The following ULK4 variants were observed in gnomAD, a reference collection of about 807,000 sequenced individuals.
ULK4 encodes the protein unc-51 like kinase 4.
Under a neutral mutation model 160.6 loss-of-function variants are expected in ULK4, and 133 were observed. The observed-to-expected ratio is 0.83, with a 90% CI of 0.72 to 0.96. The LOEUF (loss-of-function observed/expected upper bound fraction) is 0.96. Among genes scored for constraint, ULK4 ranks in the 40% least tolerant of loss-of-function variants. The pLI is 0.00. For missense variants in ULK4, 1,580 were observed against 1,499.5 expected, an observed-to-expected ratio of 1.05 and a Z score of -0.89; for synonymous variants, 534 against 539.8, an observed-to-expected ratio of 0.99 and a Z score of 0.15.
chr3:41,695,440 G>A (rs1190808337), intron 27 of ULK4, among the ~76,000 whole-genome samples: 1 of 152,050 alleles, frequency 6.6e-6, no homozygotes, highest in Non-Finnish European at 1.5e-5. Context: ...TCATAGCTAG[G>A]GCAGAGTAGT....
chr3:41,420,345 T>A (rs548493748), intron 34 of ULK4, among the ~76,000 whole-genome samples: 4 of 152,088 alleles, frequency 2.6e-5, no homozygotes, highest in African/African-American at 9.6e-5. Flanking sequence ...TTTTATGTTT[T>A]CAAATTTTTC....
intron 35 of ULK4, among the ~76,000 whole-genome samples, chr3:41,288,413 T>C (rs2079501997): frequency 6.6e-6 from 1 of 152,168 alleles, no homozygotes; most frequent in Non-Finnish European, 1.5e-5. Context: ...CTTTAGGAAG[T>C]CTGCTGGTGC....
rs142848727 is a variant in ULK4 at position 41,401,216 on chromosome 3, G to A, written c.3493-2952C>T. On this transcript the variant is annotated intron_variant, in intron 34 of 36. Transcript: ENST00000301831. Reference sequence around the variant, plus strand: ...AACAAAAAACTCTTTGCTGAAACACGTGTCCTGAAGACTTTCTCCTATATT... The same window carrying A: ...AACAAAAAACTCTTTGCTGAAACACATGTCCTGAAGACTTTCTCCTATATT... Among the ~76,000 whole-genome samples the A allele has an allele frequency of 2.4e-3, 370 of 152,232 alleles. 2 individuals carry two copies. Among genetic ancestry groups the A allele is most frequent in the East Asian group, 0.015 (78 of 5,174 alleles).
intron 18 of ULK4, among the ~76,000 whole-genome samples, chr3:41,825,956 A>C (rs1460035256): frequency 6.6e-6 from 1 of 152,210 alleles, no homozygotes; most frequent in Non-Finnish European, 1.5e-5. Flanking sequence ...CTAACAGCGG[A>C]TCTCTTCGCA....
intron 32 of ULK4, among the ~76,000 whole-genome samples, chr3:41,524,335 G>A (rs1176546553): frequency 1.3e-5 from 2 of 152,134 alleles, no homozygotes; most frequent in Non-Finnish European, 2.9e-5. Context: ...AAATGAGTGA[G>A]GTCATTTACT....
chr3:41,605,245 A>G (rs796823161), intron 31 of ULK4, among the ~76,000 whole-genome samples: 3 of 152,204 alleles, frequency 2.0e-5, no homozygotes, highest in African/African-American at 7.2e-5. Context: ...TAGTAGTAAG[A>G]TTTAAATATA....
At chr3:41,270,909 T>C (rs1374815913) in intron 35 of ULK4, among the ~76,000 whole-genome samples, 1 of 152,196 alleles carries the variant, frequency 6.6e-6, no homozygotes, top group East Asian at 1.9e-4. Context: ...AATATAACCA[T>C]CTTTCTAAAC....
chr3:41,279,255 T>TAAAAAAAAAAAAAAA (rs771175184), intron 35 of ULK4, among the ~76,000 whole-genome samples: 35 of 42,956 alleles, frequency 8.1e-4, no homozygotes, highest in East Asian at 4.4e-3. Context: ...AAAAAAAGAG[T>TAAAAAAAAAAAAAAA]AAAAAAAAAA....
chr3:41,505,846 C>A (rs897734095), intron 32 of ULK4, among the ~76,000 whole-genome samples: 6 of 152,094 alleles, frequency 3.9e-5, no homozygotes, highest in African/African-American at 1.4e-4. Context: ...TCCAATACAA[C>A]ATTTAATAAA....
At chr3:41,581,088 A>T (rs1401814537) in intron 31 of ULK4, among the ~76,000 whole-genome samples, 1 of 152,180 alleles carries the variant, frequency 6.6e-6, no homozygotes, top group African/African-American at 2.4e-5. Context: ...CCTTTCCCAG[A>T]ATATACACTA....
At position 41,912,897 on chromosome 3, in the gene ULK4, A is replaced by T; in HGVS notation, c.806T>A (p.Leu269Ter). The T allele has an allele frequency of 6.2e-7, 1 of 1,613,798 alleles. No individual in the cohort carries two copies. The highest frequency in any genetic ancestry group is 8.5e-7 in the Non-Finnish European group (1 of 1,179,906). Residue 269 changes from leucine (L) to a stop codon, truncating the protein, a stop_gained and splice_region_variant, in exon 9 of 37, where the codon TTG (leucine) becomes TAG (stop). Coordinates refer to ENST00000301831, the MANE Select transcript of ULK4 (RefSeq NM_017886.4). LOFTEE classifies it high-confidence loss of function. ...GLLQRDPQKR[L>*]TWTRLLQHSF... ...ATGCTGCAGTAGCCTTGTCCAAGTC[A>T]ATCTTTAAAAAACATAAATGTTAAA... is the stretch of plus-strand genomic sequence containing the variant.
intron 17 of ULK4, among the ~76,000 whole-genome samples, chr3:41,878,930 AG>A (rs34327029): frequency 0.69 from 104,439 of 151,764 alleles, 39,331 homozygotes; most frequent in East Asian, 0.83. Flanking sequence ...TACTGAATCA[AG>A]GGTCCACATC....
chr3:41,331,697 G>A (rs1427068547), intron 35 of ULK4, among the ~76,000 whole-genome samples: 4 of 152,112 alleles, frequency 2.6e-5, no homozygotes, highest in Admixed American at 2.6e-4. Flanking sequence ...CATCATCTTT[G>A]CCAAATTCAC....
chr3:41,367,124 TGGGATCCCCTG>T (rs2081268699), intron 35 of ULK4, among the ~76,000 whole-genome samples: 1 of 152,214 alleles, frequency 6.6e-6, no homozygotes, highest in Admixed American at 6.5e-5. Flanking sequence ...CATTGGCCTT[TGGGATCCCCTG>T]TGGCCACTTT....
intron 21 of ULK4, among the ~76,000 whole-genome samples, chr3:41,784,462 G>A (rs978636733): frequency 1.3e-4 from 20 of 152,116 alleles, no homozygotes; most frequent in African/African-American, 4.6e-4. Flanking sequence ...AAGTGTTTAG[G>A]GGGAAAAATG....
chr3:41,840,952 G>A (rs146517250), intron 17 of ULK4, among the ~76,000 whole-genome samples: 10,356 of 141,832 alleles, frequency 0.073, 1,141 homozygotes, highest in African/African-American at 0.25. Context: ...CGGCCACCCC[G>A]TCTGGGAAGT....
chr3:41,765,525 G>A (rs1046934960), intron 21 of ULK4, among the ~76,000 whole-genome samples: 1 of 152,040 alleles, frequency 6.6e-6, no homozygotes, highest in Non-Finnish European at 1.5e-5. Flanking sequence ...CCTGCAGGTT[G>A]TGCACATGTA....
At chr3:41,851,691 A>G (rs1322155104) in intron 17 of ULK4, among the ~76,000 whole-genome samples, 1 of 152,128 alleles carries the variant, frequency 6.6e-6, no homozygotes, top group Non-Finnish European at 1.5e-5. Context: ...AATTTGGCTG[A>G]AACCAACGAG....
chr3:41,613,554 CTG>C (rs2032811962), intron 31 of ULK4, among the ~76,000 whole-genome samples: 2 of 151,540 alleles, frequency 1.3e-5, no homozygotes, highest in Admixed American at 6.6e-5. Context: ...CAAGAAAACA[CTG>C]TATTATATCT....
Sources: gnomAD v4.1 joint callset for allele counts (sites outside exome capture counted in the v4.1 genomes callset) on GRCh38, gnomAD v4.1.1 for gene constraint, MANE v1.5 for transcripts, NCBI Gene and HGNC (gene_info 2026-07-23, HGNC 2026-07-21) for gene names.